The following TMED5 variants were observed in gnomAD, a reference collection of about 807,000 sequenced individuals.
TMED5 encodes the protein transmembrane emp24 domain-containing protein 5.
TMED5 carries 27 observed loss-of-function variants against 23.0 expected under a neutral mutation model. The observed-to-expected ratio is 1.17, with a 90% CI of 0.86 to 1.62. TMED5 has a LOEUF of 1.62. TMED5 is among the 40% of genes most tolerant of loss of function. The pLI, the probability that TMED5 is intolerant of heterozygous loss-of-function variation, is 0.00. For missense variants in TMED5, 248 were observed against 273.7 expected (o/e 0.91, Z 0.66); for synonymous variants, 97 against 100.8 (o/e 0.96, Z 0.23).
intron 1 of TMED5, among the ~76,000 whole-genome samples, chr1:93,168,513 C>G (rs116677839): frequency 0.015 from 2,257 of 152,294 alleles, 29 homozygotes; most frequent in Middle Eastern, 0.024. Context: ...AAGACGACTT[C>G]AGAATAAGGA....
At position 93,151,035 on chromosome 1, in the gene TMED5, T is replaced by A. The variant is rs1647854642; in HGVS notation, c.*3635A>T. On this transcript the variant is annotated 3_prime_UTR_variant, in exon 4 of 4. Coordinates refer to ENST00000370282, the MANE Select transcript of TMED5 (RefSeq NM_016040.5). ...CAGTGAAGACCTTCAGGATTTTCCCTGCCCTGCATTTTCTTGCCTTTTTCT... is the reference window on the plus strand; with the variant it reads ...CAGTGAAGACCTTCAGGATTTTCCCAGCCCTGCATTTTCTTGCCTTTTTCT... 6.6e-6 allele frequency: 1 copy of A among 152,250 alleles called. No individual in the cohort carries two copies. The highest frequency in any genetic ancestry group is 1.5e-5 in the Non-Finnish European group (1 of 68,044). The allele number at this position is 152,250 out of a possible 1,614,324, so 9.4% of individuals were successfully genotyped here. A position where few individuals can be genotyped will look rare whatever the true frequency, so the allele number is the denominator to read the frequency against.
intron 1 of TMED5, among the ~76,000 whole-genome samples, chr1:93,173,605 C>T (rs1389398694): frequency 6.6e-6 from 1 of 152,088 alleles, no homozygotes. Flanking sequence ...AGTTTTGATG[C>T]ATTTAGGAAA....
Position 93,168,433 on chromosome 1 carries a change from G to A in TMED5, c.190-8207C>T, listed in dbSNP as rs560250604. Reference sequence around the variant, plus strand: ...AGACACAGATAGATTTAAAGTAAATGGATGCAGAAAGATATACCGTGTTAA... The same window carrying A: ...AGACACAGATAGATTTAAAGTAAATAGATGCAGAAAGATATACCGTGTTAA... On this transcript the variant is annotated intron_variant, in intron 1 of 3. Coordinates refer to ENST00000370282, the MANE Select transcript of TMED5 (RefSeq NM_016040.5). 3.0e-4 allele frequency among the ~76,000 whole-genome samples: 46 copies of A among 152,294 alleles called. No homozygotes were observed. The South Asian group carries it at 9.3e-3, about 31-fold the overall frequency.
intron 2 of TMED5, 96 bp from the exon 3 acceptor site, chr1:93,156,579 G>A (rs1403094733): frequency 1.1e-6 from 1 of 923,098 alleles, no homozygotes; most frequent in East Asian, 2.6e-5. Flanking sequence ...GGCTGAGTGT[G>A]TTGCCTCACA....
In TMED5 at chr1:93,150,467, A is replaced by G. The variant is rs1647833882; in HGVS notation, c.*4203T>C. 1 of 152,232 alleles carries G rather than the reference A, an allele frequency of 6.6e-6. No homozygotes were observed. Among genetic ancestry groups the G allele is most frequent in the Non-Finnish European group, 1.5e-5 (1 of 68,038 alleles). The allele number at this position is 152,232 out of a possible 1,614,324, so 9.4% of individuals were successfully genotyped here. A position where few individuals can be genotyped will look rare whatever the true frequency, so the allele number is the denominator to read the frequency against. On this transcript the variant is annotated 3_prime_UTR_variant, in exon 4 of 4. Coordinates refer to ENST00000370282, the MANE Select transcript of TMED5 (RefSeq NM_016040.5). ...TTTAACTTCTCAGGGATAACTGTCA[A>G]GTAGTACAAATGCCAGTTATATGTT... is the stretch of plus-strand genomic sequence containing the variant.
intron 1 of TMED5, among the ~76,000 whole-genome samples, chr1:93,169,817 A>C (rs1648642899): frequency 6.6e-6 from 1 of 151,102 alleles, no homozygotes. Flanking sequence ...GGAGGCTGAG[A>C]TGGGAGGATC....
At position 93,151,952 on chromosome 1, in the gene TMED5, G is replaced by A. The variant is rs184897927; in HGVS notation, c.*2718C>T. The stretch of plus-strand genomic sequence containing the variant: ...TAAAGCAGTTTGAGCAACACTGATT[G>A]TGCATTATTGTACTTCAGATGAAAA... On this transcript the variant is annotated 3_prime_UTR_variant, in exon 4 of 4. Transcript: ENST00000370282. 6.6e-6 allele frequency: 1 copy of A among 152,566 alleles called. No homozygotes were observed. Among genetic ancestry groups the A allele is most frequent in the East Asian group, 1.9e-4 (1 of 5,190 alleles). The allele number at this position is 152,566 out of a possible 1,614,324, so 9.5% of individuals were successfully genotyped here. A position where few individuals can be genotyped will look rare whatever the true frequency, so the allele number is the denominator to read the frequency against.
intron 1 of TMED5, among the ~76,000 whole-genome samples, chr1:93,172,980 T>C (rs1648778886): frequency 6.6e-6 from 1 of 152,168 alleles, no homozygotes; most frequent in Non-Finnish European, 1.5e-5. Flanking sequence ...ATATGTGGAA[T>C]TCCTAGAATT....
Position 93,156,417 on chromosome 1 carries a change from C to T in TMED5, c.354G>A (p.Lys118=), listed in dbSNP as rs756654222. ...CCAGGATTAATTCAAAGAAAATCAC[C>T]TTCTCAGAAATGGTGCTGAATGTAT... ...FDNTFSTISE[K]VIFFELILDN... is the part of the protein sequence containing the mutation. Residue 118 remains lysine (K), a synonymous_variant, in exon 3 of 4, where the codon AAG becomes AAA. Coordinates refer to ENST00000370282, the MANE Select transcript of TMED5 (RefSeq NM_016040.5). 1.9e-6 allele frequency: 3 copies of T among 1,613,846 alleles called. No individual in the cohort carries two copies. The South Asian group carries it at 3.3e-5, about 18-fold the overall frequency.
chr1:93,151,204 G>A lies in TMED5; in HGVS notation c.*3466C>T, dbSNP rs1647863014. 1 of 152,160 alleles carries A rather than the reference G, an allele frequency of 6.6e-6. No homozygotes were observed. The highest frequency in any genetic ancestry group is 2.4e-5 in the African/African-American group (1 of 41,424). The allele number at this position is 152,160 out of a possible 1,614,324, so 9.4% of individuals were successfully genotyped here. ...AGGTTATGACAACAGCCTTCCAGAA[G>A]CCTTAGACACCTGAAAGTGATAGCA... On this transcript the variant is annotated 3_prime_UTR_variant, in exon 4 of 4. Coordinates refer to ENST00000370282, the MANE Select transcript of TMED5 (RefSeq NM_016040.5).
chr1:93,155,006 G>A lies in TMED5; in HGVS notation c.472-118C>T, dbSNP rs1021615515. The stretch of plus-strand genomic sequence containing the variant: ...GTAATCCTGGAACTTTGGGAGACTA[G>A]GGCAGGAGGACCCCTTGAACCCAGG... On this transcript the variant is annotated intron_variant, in intron 3 of 3. Coordinates refer to ENST00000370282, the MANE Select transcript of TMED5 (RefSeq NM_016040.5). 8 of 710,230 alleles carry A rather than the reference G, an allele frequency of 1.1e-5. 1 individual carries two copies. The highest frequency in any genetic ancestry group is 4.0e-4 in the Middle Eastern group (1 of 2,530). The allele number at this position is 710,230 out of a possible 1,614,324, so 44.0% of individuals were successfully genotyped here.
chr1:93,176,473 T>C (rs955953385), intron 1 of TMED5, among the ~76,000 whole-genome samples: 9 of 151,514 alleles, frequency 5.9e-5, no homozygotes, highest in African/African-American at 2.2e-4. Flanking sequence ...AATAATTTGA[T>C]TAATTAATAC....
At chr1:93,174,599 C>T (rs1648842884) in intron 1 of TMED5, among the ~76,000 whole-genome samples, 1 of 152,154 alleles carries the variant, frequency 6.6e-6, no homozygotes, top group South Asian at 2.1e-4. Context: ...GATATAAAGC[C>T]CAGTACCCAA....
intron 1 of TMED5, among the ~76,000 whole-genome samples, chr1:93,164,129 T>C (rs1383760070): frequency 6.6e-6 from 1 of 152,086 alleles, no homozygotes; most frequent in Non-Finnish European, 1.5e-5. Flanking sequence ...TACTTAAACA[T>C]TAAATAGAGG....
intron 1 of TMED5, among the ~76,000 whole-genome samples, chr1:93,166,199 T>C (rs1420097811): frequency 6.6e-6 from 1 of 152,262 alleles, no homozygotes; most frequent in Non-Finnish European, 1.5e-5. Context: ...AAATTTTGGC[T>C]GTTGTGAACA....
At position 93,158,004 on chromosome 1, in the gene TMED5, G is replaced by A. The variant is rs1283277687; in HGVS notation, c.288-1521C>T. 2.0e-5 allele frequency among the ~76,000 whole-genome samples: 3 copies of A among 151,480 alleles called. No individual in the cohort carries two copies. The East Asian group carries it at 5.9e-4, about 30-fold the overall frequency. On this transcript the variant is annotated intron_variant, in intron 2 of 3. Transcript: ENST00000370282. ...CCGGGCGTGGTGGCGGGCGCCTGTA[G>A]TCCCAGCTACTCAGGAGGCCGAGGC... is the stretch of plus-strand genomic sequence containing the variant.
rs769147102 is a variant in TMED5 at position 93,160,428 on chromosome 1, C to T, written c.190-202G>A. ...GAACTTGTCCCTTCCTTACCCATTT[C>T]TCTCACCATCACCTAAATTTAGGCC... On this transcript the variant is annotated intron_variant, in intron 1 of 3. Transcript: ENST00000370282. The T allele has an allele frequency of 9.4e-6, 4 of 423,390 alleles. No homozygotes were observed. The East Asian group carries it at 1.4e-4, about 15-fold the overall frequency. 26.2% of individuals were successfully genotyped at this position (423,390 alleles called of 1,614,324 possible). A position where few individuals can be genotyped will look rare whatever the true frequency, so the allele number is the denominator to read the frequency against.
intron 2 of TMED5, among the ~76,000 whole-genome samples, chr1:93,157,405 C>T (rs1240874328): frequency 6.6e-6 from 1 of 152,144 alleles, no homozygotes; most frequent in Non-Finnish European, 1.5e-5. Context: ...TACCAGTACC[C>T]TAGTTAAAAT....
In TMED5 at chr1:93,156,620, G is replaced by GC. The variant is rs1434123582; in HGVS notation, c.288-138dup. On this transcript the variant is annotated intron_variant, in intron 2 of 3. Transcript: ENST00000370282. Reference sequence around the variant, plus strand: ...AATCCCAGCATTTTGAGAGGGCAAGGCTGGTAGATCACTTTAGCTCAGGAG... The same window carrying GC: ...AATCCCAGCATTTTGAGAGGGCAAGGCCTGGTAGATCACTTTAGCTCAGGAG... The GC allele has an allele frequency of 3.6e-5, 24 of 661,644 alleles. No individual in the cohort carries two copies. The East Asian group carries it at 6.6e-4, about 18-fold the overall frequency. 41.0% of individuals were successfully genotyped at this position (661,644 alleles called of 1,614,324 possible).
Sources: allele counts gnomAD v4.1 joint callset (sites outside exome capture counted in the v4.1 genomes callset), GRCh38; gene constraint gnomAD v4.1.1; transcripts MANE v1.5; gene names NCBI Gene and HGNC (gene_info 2026-07-23, HGNC 2026-07-21).